Variants in ZZEF1 observed in about 807,000 individuals in gnomAD.
ZZEF1 encodes zinc finger ZZ-type and EF-hand domain containing 1.
Under a neutral mutation model 342.8 loss-of-function variants are expected in ZZEF1, and 157 were observed. The observed-to-expected ratio is 0.46, with a 90% CI of 0.40 to 0.52. The LOEUF (loss-of-function observed/expected upper bound fraction) is 0.52. Among genes scored for constraint, ZZEF1 ranks in the 20% least tolerant of loss-of-function variants. The probability of loss-of-function intolerance (pLI) is 0.00; values close to 1 mark genes in which losing one functional copy is unlikely to be tolerated. For synonymous variants in ZZEF1, 1,505 were observed against 1,429.1 expected (o/e 1.05, Z -1.20); for missense variants, 3,480 against 3,725.6 (o/e 0.93, Z 1.72).
chr17:4,112,703 A>T lies in ZZEF1; in HGVS notation c.972T>A (p.Asn324Lys), dbSNP rs58625333. ...CTCGGACTTCCTGAAGATCGCTGGC[A>T]TTCCTCCCTACAGCTACTGTCACCT... ...PQQVTVAVGR[N>K]ASDLQEVRDV... The change falls in exon 5 of 55, where the codon AAT becomes AAA. Residue 324 changes from asparagine (N) to lysine (K), a missense_variant. Coordinates refer to ENST00000381638, the MANE Select transcript of ZZEF1 (RefSeq NM_015113.4). 5.0e-6 allele frequency: 8 copies of T among 1,613,920 alleles called. No homozygotes were observed. In the Admixed American group the frequency reaches 1.2e-4, roughly 24 times the overall value.
In ZZEF1 at chr17:4,046,136, T is replaced by A. The variant is rs554890067; in HGVS notation, c.6016-1762A>T. Among the ~76,000 whole-genome samples, 4 of 152,240 alleles carry A rather than the reference T, an allele frequency of 2.6e-5. No individual in the cohort carries two copies. In the South Asian group the frequency reaches 8.3e-4, roughly 32 times the overall value. On this transcript the variant is annotated intron_variant, in intron 37 of 54. Coordinates refer to ENST00000381638, the MANE Select transcript of ZZEF1 (RefSeq NM_015113.4). ...GCCACCACGCCCGGCCTCTTTATTT[T>A]AAAAAACAGAATAAACATACCTTTG...
At chr17:4,117,213 G>A (rs1261012144) in intron 2 of ZZEF1, 47 bp from the exon 3 acceptor site, 1 of 1,508,000 alleles carries the variant, frequency 6.6e-7, no homozygotes, top group Non-Finnish European at 9.1e-7. Context: ...AGCCACAGTA[G>A]TTTCCACATC....
intron 52 of ZZEF1, among the ~76,000 whole-genome samples, chr17:4,012,285 G>A (rs2144931631): frequency 6.6e-6 from 1 of 152,318 alleles, no homozygotes; most frequent in African/African-American, 2.4e-5. Context: ...GGGGGTAACA[G>A]CAAGCATGCC....
At chr17:4,118,020 C>A (rs1668811400) in intron 2 of ZZEF1, among the ~76,000 whole-genome samples, 1 of 152,094 alleles carries the variant, frequency 6.6e-6, no homozygotes, top group South Asian at 2.1e-4. Flanking sequence ...TTTTTAACAA[C>A]TGAGGAAAAT....
chr17:4,008,593 C>T lies in ZZEF1; in HGVS notation c.8805+290G>A. The T allele has an allele frequency of 8.7e-7, 1 of 1,145,502 alleles. No individual in the cohort carries two copies. The highest frequency in any genetic ancestry group is 1.1e-6 in the Non-Finnish European group (1 of 931,358). The allele number at this position is 1,145,502 out of a possible 1,614,324, so 71.0% of individuals were successfully genotyped here. ...TCTAAAAATATGTGAAATCTAACTC[C>T]ACGGAAACTTCAAGAATCAGCCAAA... On this transcript the variant is annotated intron_variant, in intron 54 of 54. Transcript: ENST00000381638. This position sits in a 1 kb window ranked among gnomAD's most constrained non-coding sequence, Gnocchi z 4.2.
At chr17:4,123,199 C>T (rs1361209844) in intron 2 of ZZEF1, among the ~76,000 whole-genome samples, 6 of 147,960 alleles carry the variant, frequency 4.1e-5, no homozygotes, top group Admixed American at 6.8e-5. Flanking sequence ...GGATTACAGG[C>T]GTAAGCCACC....
intron 15 of ZZEF1, among the ~76,000 whole-genome samples, chr17:4,086,253 G>C (rs375638736): frequency 3.3e-5 from 5 of 152,180 alleles, no homozygotes; most frequent in Non-Finnish European, 7.4e-5. Context: ...TAGCTCAAAA[G>C]AGCATCAGGG....
At position 4,142,898 on chromosome 17, in the gene ZZEF1, G is replaced by A. The variant is rs940649185; in HGVS notation, c.-3C>T. The A allele has an allele frequency of 7.5e-7, 1 of 1,339,016 alleles. No homozygotes were observed. Among genetic ancestry groups the A allele is most frequent in the Non-Finnish European group, 9.5e-7 (1 of 1,052,056 alleles). The allele number at this position is 1,339,016 out of a possible 1,614,324, so 82.9% of individuals were successfully genotyped here. ...CTGTGACTCGGAGCGTTCCCCATGG[G>A]GTCTCCGTCTTGGGCGCCTGGCTCT... On this transcript the variant is annotated 5_prime_UTR_variant, in exon 1 of 55. Transcript: ENST00000381638.
chr17:4,054,111 G>A lies in ZZEF1; in HGVS notation c.5380C>T (p.Arg1794Ter), dbSNP rs1158782643. 1.9e-6 allele frequency: 3 copies of A among 1,613,864 alleles called. No individual in the cohort carries two copies. The highest frequency in any genetic ancestry group is 2.5e-6 in the Non-Finnish European group (3 of 1,179,896). ...DGCDEIAPWH[R>*]YRCLQCSDMD... The stretch of plus-strand genomic sequence containing the variant: ...TCGCTGCACTGCAGACAGCGGTATC[G>A]ATGCCAGGGGGCAATCTCATCACAC... The change falls in exon 34 of 55, where the codon CGA (arginine) becomes TGA (stop). Residue 1794 changes from arginine (R) to a stop codon, truncating the protein, a stop_gained. Coordinates refer to ENST00000381638, the MANE Select transcript of ZZEF1 (RefSeq NM_015113.4). LOFTEE classifies it high-confidence loss of function.
rs908919055 is a variant in ZZEF1 at position 4,014,871 on chromosome 17, A to G, written c.8146-356T>C. ...CAGGGTAACAGCCCTGTGAAGGTCT[A>G]GCATGTTCAGGGAATGGCAAGGAGC... On this transcript the variant is annotated intron_variant, in intron 49 of 54. Coordinates refer to ENST00000381638, the MANE Select transcript of ZZEF1 (RefSeq NM_015113.4). The surrounding 1 kb of genome is among the most constrained non-coding windows in gnomAD (Gnocchi z 4.4). 1.3e-5 allele frequency among the ~76,000 whole-genome samples: 2 copies of G among 152,178 alleles called. No homozygotes were observed. Among genetic ancestry groups the G allele is most frequent in the African/African-American group, 2.4e-5 (1 of 41,436 alleles).
intron 28 of ZZEF1, among the ~76,000 whole-genome samples, chr17:4,065,618 C>T (rs533409146): frequency 3.4e-4 from 52 of 152,140 alleles, no homozygotes; most frequent in African/African-American, 1.2e-3. Flanking sequence ...ACTCAGCTTC[C>T]GTCATTATTA....
chr17:4,025,569 C>A (rs1353238204), intron 42 of ZZEF1, among the ~76,000 whole-genome samples: 1 of 151,896 alleles, frequency 6.6e-6, no homozygotes, highest in Non-Finnish European at 1.5e-5. Flanking sequence ...GTGATCCCAG[C>A]TACTCAGGAG....
At chr17:4,030,914 C>T (rs1006446404) in intron 42 of ZZEF1, among the ~76,000 whole-genome samples, 3 of 152,180 alleles carry the variant, frequency 2.0e-5, no homozygotes, top group Non-Finnish European at 2.9e-5. Flanking sequence ...TGTGGTTGCT[C>T]ATGCCTGTAA....
At chr17:4,085,622 AT>A in intron 16 of ZZEF1, 47 bp downstream of exon 16, 1 of 1,607,684 alleles carries the variant, frequency 6.2e-7, no homozygotes, top group Non-Finnish European at 8.5e-7. Flanking sequence ...AGCAAATTTC[AT>A]CCTCACAGAC....
chr17:4,107,401 A>AG (rs1188306770), intron 6 of ZZEF1, among the ~76,000 whole-genome samples: 2 of 152,140 alleles, frequency 1.3e-5, no homozygotes. Context: ...CTGGGGAGTA[A>AG]GGGGGAGTCG....
chr17:4,077,004 A>T lies in ZZEF1; in HGVS notation c.2990-15T>A. The T allele has an allele frequency of 1.9e-6, 3 of 1,602,378 alleles. No individual in the cohort carries two copies. Among genetic ancestry groups the T allele is most frequent in the Non-Finnish European group, 2.6e-6 (3 of 1,174,724 alleles). On this transcript the variant is annotated splice_polypyrimidine_tract_variant and intron_variant, in intron 19 of 54. Transcript: ENST00000381638. Reference sequence around the variant, plus strand: ...CTGGCCCACATCTACCGAAACAAAGAAAATAATTAATATATTATATAGTAG... The same window carrying T: ...CTGGCCCACATCTACCGAAACAAAGTAAATAATTAATATATTATATAGTAG...
At position 4,112,365 on chromosome 17, in the gene ZZEF1, C is replaced by T. The variant is rs989722651; in HGVS notation, c.1066+244G>A. Among the ~76,000 whole-genome samples, 13 of 151,740 alleles carry T rather than the reference C, an allele frequency of 8.6e-5. 1 individual carries two copies. Among genetic ancestry groups the T allele is most frequent in the Admixed American group, 3.3e-4 (5 of 15,224 alleles). On this transcript the variant is annotated intron_variant, in intron 5 of 54. Transcript: ENST00000381638. ...TTCACCATGTTGGCCAGGCTGTTTTCGAACTCCTGATCTCAAGTGATTCAC... is the reference window on the plus strand; with the variant it reads ...TTCACCATGTTGGCCAGGCTGTTTTTGAACTCCTGATCTCAAGTGATTCAC...
At chr17:4,122,717 T>C (rs1336494624) in intron 2 of ZZEF1, among the ~76,000 whole-genome samples, 1 of 152,150 alleles carries the variant, frequency 6.6e-6, no homozygotes, top group Non-Finnish European at 1.5e-5. Context: ...TTTTTATTCT[T>C]ACTTAAATTT....
rs766744303 is a variant in ZZEF1, at chr17:4,142,721, C to A, written c.175G>T (p.Ala59Ser). 10 of 1,561,560 alleles carry A rather than the reference C, an allele frequency of 6.4e-6. No homozygotes were observed. In the South Asian group the frequency reaches 1.2e-4, roughly 18 times the overall value. ...ALLEPARLRE[A>S]AAALLPTPPC... ...GGTGTGGGCAGCAACGCTGCAGCAG[C>A]CTCTCGCAGCCTGGCCGGCTCCAGC... is the stretch of plus-strand genomic sequence containing the variant. The change falls in exon 1 of 55, where the codon GCT becomes TCT. Residue 59 changes from alanine (A) to serine (S), a missense_variant. Transcript: ENST00000381638.
Sources: gnomAD v4.1 joint callset for allele counts (sites outside exome capture counted in the v4.1 genomes callset) on GRCh38, gnomAD v4.1.1 for gene constraint, Gnocchi (gnomAD v3.1) non-coding constraint, MANE v1.5 for transcripts, NCBI Gene and HGNC (gene_info 2026-07-23, HGNC 2026-07-21) for gene names.